AP1S3: variants seen among roughly 807,000 people sequenced by gnomAD.
AP1S3 encodes adaptor related protein complex 1 subunit sigma 3, also known as AP-1 complex subunit sigma-3.
Under a neutral mutation model 20.9 loss-of-function variants are expected in AP1S3, and 10 were observed. The observed-to-expected ratio is 0.48, with a 90% confidence interval of 0.29 to 0.81. The LOEUF is 0.81. Among genes scored for constraint, AP1S3 ranks in the 30% least tolerant of loss-of-function variants. AP1S3 has a pLI of 0.08. For missense variants in AP1S3, 154 were observed against 183.8 expected (o/e 0.84, Z 0.94); for synonymous variants, 41 against 61.5 (o/e 0.67, Z 1.56).
At chr2:223,796,985 T>C (rs1319527959) in intron 1 of AP1S3, among the ~76,000 whole-genome samples, 1 of 152,176 alleles carries the variant, frequency 6.6e-6, no homozygotes, top group Non-Finnish European at 1.5e-5. Flanking sequence ...TTTTCTATCA[T>C]TGAGTGGCAG....
intron 1 of AP1S3, among the ~76,000 whole-genome samples, chr2:223,779,593 T>C (rs965593660): frequency 2.0e-5 from 3 of 152,176 alleles, no homozygotes; most frequent in Non-Finnish European, 4.4e-5. Flanking sequence ...AAGTGCATTG[T>C]TTCAGTTGTG....
intron 1 of AP1S3, among the ~76,000 whole-genome samples, chr2:223,813,253 T>A (rs970903612): frequency 1.1e-4 from 16 of 152,166 alleles, no homozygotes; most frequent in Non-Finnish European, 2.4e-4. Flanking sequence ...GGCCCACATA[T>A]GCCATTTTGA....
intron 3 of AP1S3, among the ~76,000 whole-genome samples, chr2:223,773,590 C>T (rs1690682795): frequency 6.6e-6 from 1 of 151,996 alleles, no homozygotes; most frequent in Non-Finnish European, 1.5e-5. Flanking sequence ...TTAACAACAT[C>T]ATTTACAAGG....
intron 4 of AP1S3, among the ~76,000 whole-genome samples, chr2:223,759,927 C>A (rs534641831): frequency 4.6e-5 from 7 of 152,118 alleles, no homozygotes. Context: ...GCTCCATCCA[C>A]GTCCCTGCAA....
intron 1 of AP1S3, among the ~76,000 whole-genome samples, chr2:223,827,546 C>T (rs1049895734): frequency 6.6e-6 from 1 of 151,946 alleles, no homozygotes; most frequent in Non-Finnish European, 1.5e-5. Context: ...CCACACCCAG[C>T]TACATTTTTT....
chr2:223,831,136 C>T (rs1242736799), intron 1 of AP1S3, among the ~76,000 whole-genome samples: 1 of 151,950 alleles, frequency 6.6e-6, no homozygotes, highest in Non-Finnish European at 1.5e-5. Flanking sequence ...AACCCTGGCC[C>T]CTTTCTCTTT....
At chr2:223,780,353 A>AGTGTGTGTGTGTGTGT (rs1559280869) in intron 1 of AP1S3, among the ~76,000 whole-genome samples, 2 of 58,576 alleles carry the variant, frequency 3.4e-5, no homozygotes, top group Admixed American at 2.5e-4. Flanking sequence ...AGAGAGAGAG[A>AGTGTGTGTGTGTGTGT]GAGAGTGTGT....
chr2:223,767,963 G>A (rs370982438), intron 3 of AP1S3, among the ~76,000 whole-genome samples: 1 of 152,072 alleles, frequency 6.6e-6, no homozygotes. Context: ...CACAGCTGCT[G>A]CTCAGGCCTA....
intron 1 of AP1S3, among the ~76,000 whole-genome samples, chr2:223,780,276 A>AATATAT (rs138804582): frequency 9.9e-4 from 24 of 24,356 alleles, no homozygotes; most frequent in East Asian, 1.2e-3. Context: ...ATGCCTGGCT[A>AATATAT]ATATATATAT....
chr2:223,789,794 T>C (rs566379768), intron 1 of AP1S3, among the ~76,000 whole-genome samples: 1,546 of 142,828 alleles, frequency 0.011, 36 homozygotes, highest in African/African-American at 0.039. Context: ...GCCGAGATCA[T>C]GCCACTCCAC....
intron 1 of AP1S3, among the ~76,000 whole-genome samples, chr2:223,827,373 T>A (rs955454187): frequency 6.6e-6 from 1 of 152,094 alleles, no homozygotes; most frequent in Non-Finnish European, 1.5e-5. Flanking sequence ...CTCCCCAATA[T>A]CTGCAGTCCA....
chr2:223,819,110 T>C (rs959712959), intron 1 of AP1S3, among the ~76,000 whole-genome samples: 1 of 152,206 alleles, frequency 6.6e-6, no homozygotes, highest in Non-Finnish European at 1.5e-5. Context: ...GAAATAAATA[T>C]GGCATTTGTT....
chr2:223,778,101 GT>G (rs963644264), intron 1 of AP1S3, among the ~76,000 whole-genome samples: 42 of 150,358 alleles, frequency 2.8e-4, no homozygotes, highest in African/African-American at 4.5e-4. Context: ...AGAAAAATAA[GT>G]TTTTTTTTGT....
rs1690235533 is a variant in AP1S3 at position 223,756,929 on chromosome 2, C to A, written c.*1786G>T. On this transcript the variant is annotated 3_prime_UTR_variant, in exon 5 of 5. Transcript: ENST00000396654. ...GACCTCAAAGCTAACATTGAAAATGCACAGGTAAAACATCAAATAGCAGGC... is the reference window on the plus strand; with the variant it reads ...GACCTCAAAGCTAACATTGAAAATGAACAGGTAAAACATCAAATAGCAGGC... 1 of 985,224 alleles carries A rather than the reference C, an allele frequency of 1.0e-6. No individual in the cohort carries two copies. The highest frequency in any genetic ancestry group is 4.7e-5 in the South Asian group (1 of 21,280). The allele number at this position is 985,224 out of a possible 1,614,324, so 61.0% of individuals were successfully genotyped here.
At chr2:223,823,363 A>G (rs1269351110) in intron 1 of AP1S3, among the ~76,000 whole-genome samples, 1 of 152,228 alleles carries the variant, frequency 6.6e-6, no homozygotes, top group Admixed American at 6.5e-5. Context: ...GTGGATGGTT[A>G]CAGAAATTGT....
rs1690275523 is a variant in AP1S3, at chr2:223,758,377, A to T, written c.*338T>A. The T allele has an allele frequency of 2.0e-6, 2 of 1,022,738 alleles. No homozygotes were observed. Among genetic ancestry groups the T allele is most frequent in the East Asian group, 1.6e-4 (2 of 12,296 alleles). The allele number at this position is 1,022,738 out of a possible 1,614,324, so 63.4% of individuals were successfully genotyped here. A position where few individuals can be genotyped will look rare whatever the true frequency, so the allele number is the denominator to read the frequency against. On this transcript the variant is annotated 3_prime_UTR_variant, in exon 5 of 5. Coordinates refer to ENST00000396654, the MANE Select transcript of AP1S3 (RefSeq NM_001039569.2). ...ATTATTACAATATTGTGTCAAATGC[A>T]AAAAAAATTGCAGCTAATGTATCTA...
intron 1 of AP1S3, among the ~76,000 whole-genome samples, chr2:223,814,487 T>C (rs998642005): frequency 6.6e-6 from 1 of 152,182 alleles, no homozygotes; most frequent in African/African-American, 2.4e-5. Flanking sequence ...TGAAATCAAA[T>C]GTACTTGAAA....
intron 3 of AP1S3, among the ~76,000 whole-genome samples, chr2:223,775,246 A>G (rs1350130282): frequency 6.6e-6 from 1 of 152,226 alleles, no homozygotes; most frequent in Non-Finnish European, 1.5e-5. Flanking sequence ...GGACTGGAGC[A>G]CCTAGCATAG....
chr2:223,823,183 C>T (rs1270068592), intron 1 of AP1S3, among the ~76,000 whole-genome samples: 4 of 152,062 alleles, frequency 2.6e-5, no homozygotes, highest in Non-Finnish European at 5.9e-5. Context: ...AGTATCAAGG[C>T]CCCCCAAAAA....
Sources: gnomAD v4.1 joint callset for allele counts (sites outside exome capture counted in the v4.1 genomes callset) on GRCh38, gnomAD v4.1.1 for gene constraint, MANE v1.5 for transcripts, NCBI Gene and HGNC (gene_info 2026-07-23, HGNC 2026-07-21) for gene names.